Variants in PARD3B observed in about 807,000 individuals in gnomAD.
PARD3B encodes the protein partitioning defective 3 homolog B.
Under a neutral mutation model 130.2 loss-of-function variants are expected in PARD3B, and 103 were observed. The ratio of observed to expected loss-of-function variants is 0.79; its 90% CI spans 0.67 to 0.93. The LOEUF is 0.93. Among genes scored for constraint, PARD3B ranks in the 40% least tolerant of loss-of-function variants. The pLI is 0.00. For missense variants in PARD3B, 1,609 were observed against 1,499.2 expected (o/e 1.07, Z -1.21); for synonymous variants, 583 against 553.2 (o/e 1.05, Z -0.76).
At chr2:205,034,124 C>A (rs924041929) in intron 3 of PARD3B, among the ~76,000 whole-genome samples, 1 of 152,134 alleles carries the variant, frequency 6.6e-6, no homozygotes, top group East Asian at 1.9e-4. Flanking sequence ...CTTTTCATGA[C>A]CTCCAAAGTT....
At chr2:205,047,730 A>C in intron 4 of PARD3B, 40 bp downstream of exon 4, 1 of 1,415,532 alleles carries the variant, frequency 7.1e-7, no homozygotes, top group Non-Finnish European at 9.7e-7. Context: ...GAAAGATCAA[A>C]GTGCTGTACC....
intron 20 of PARD3B, among the ~76,000 whole-genome samples, chr2:205,478,481 C>T (rs1300379770): frequency 1.3e-5 from 2 of 152,138 alleles, no homozygotes; most frequent in Non-Finnish European, 2.9e-5. Context: ...TTATTCCTAA[C>T]GTCATAGTCT....
At position 205,589,848 on chromosome 2, in the gene PARD3B, C is replaced by A. The variant is rs982738512; in HGVS notation, c.3261-25608C>A. 3.3e-5 allele frequency among the ~76,000 whole-genome samples: 5 copies of A among 152,170 alleles called. No individual in the cohort carries two copies. Among genetic ancestry groups the A allele is most frequent in the Non-Finnish European group, 5.9e-5 (4 of 68,028 alleles). ...AGACACCCTCCTACACTCCATGCCTCTCCTATTTCCCTGTCCACTAACATC... is the reference window on the plus strand; with the variant it reads ...AGACACCCTCCTACACTCCATGCCTATCCTATTTCCCTGTCCACTAACATC... On this transcript the variant is annotated intron_variant, in intron 22 of 22. Transcript: ENST00000406610. The surrounding 1 kb of genome is among the most constrained non-coding windows in gnomAD (Gnocchi z 4.1).
chr2:204,947,784 C>T (rs562101168), intron 2 of PARD3B, among the ~76,000 whole-genome samples: 26 of 152,136 alleles, frequency 1.7e-4, no homozygotes, highest in African/African-American at 4.8e-4. Flanking sequence ...AGAGATCTAC[C>T]GTGAGTTCTA....
At chr2:205,356,585 G>A (rs79138490) in intron 18 of PARD3B, among the ~76,000 whole-genome samples, 4,649 of 151,992 alleles carry the variant, frequency 0.031, 226 homozygotes, top group African/African-American at 0.11. Context: ...TCTGCTGAGC[G>A]TACATATAAA....
intron 4 of PARD3B, among the ~76,000 whole-genome samples, chr2:205,075,258 A>G (rs1244541681): frequency 6.6e-6 from 1 of 152,136 alleles, no homozygotes; most frequent in Admixed American, 6.5e-5. Flanking sequence ...CGAAAGTTAG[A>G]CAATGCATTT....
chr2:204,609,257 A>G (rs2033839884), intron 1 of PARD3B, among the ~76,000 whole-genome samples: 1 of 152,198 alleles, frequency 6.6e-6, no homozygotes, highest in South Asian at 2.1e-4. Flanking sequence ...ATATTTTGCT[A>G]CATATTCTGC....
intron 2 of PARD3B, among the ~76,000 whole-genome samples, chr2:204,757,505 G>C (rs1009375616): frequency 1.3e-5 from 2 of 152,080 alleles, no homozygotes; most frequent in Non-Finnish European, 2.9e-5. Context: ...TCTCTGATTA[G>C]TGATGTTGAG....
intron 1 of PARD3B, among the ~76,000 whole-genome samples, chr2:204,568,081 A>G (rs2031782753): frequency 1.3e-5 from 2 of 152,220 alleles, no homozygotes; most frequent in Admixed American, 1.3e-4. Context: ...ACAAATCAAA[A>G]GGGCAAATAA....
intron 18 of PARD3B, among the ~76,000 whole-genome samples, chr2:205,310,883 C>T (rs2042363705): frequency 6.6e-6 from 1 of 151,738 alleles, no homozygotes; most frequent in Admixed American, 6.6e-5. Context: ...GCCACCACAC[C>T]CGGCTAATTT....
chr2:204,842,570 T>G (rs1271651930), intron 2 of PARD3B, among the ~76,000 whole-genome samples: 1 of 152,178 alleles, frequency 6.6e-6, no homozygotes, highest in East Asian at 1.9e-4. Flanking sequence ...TTCTTTTAAA[T>G]GTGCCTAAAA....
intron 2 of PARD3B, among the ~76,000 whole-genome samples, chr2:204,764,712 A>G (rs1035368570): frequency 1.0e-3 from 44 of 43,078 alleles, no homozygotes; most frequent in African/African-American, 2.4e-3. Context: ...TCTGGCATGC[A>G]TGCGTGTGTG....
In PARD3B at chr2:205,116,026, G is replaced by A. The variant is rs192688374; in HGVS notation, c.680+2449G>A. On this transcript the variant is annotated intron_variant, in intron 6 of 22. Transcript: ENST00000406610. This position sits in a 1 kb window ranked among gnomAD's most constrained non-coding sequence, Gnocchi z 4.5. ...AGATCATCCTAATAAGTAAATTATA[G>A]TGGCTGCTCTGCTAGATAAAGCCTC... 3.7e-4 allele frequency among the ~76,000 whole-genome samples: 56 copies of A among 151,820 alleles called. 1 individual carries two copies. Among genetic ancestry groups the A allele is most frequent in the Admixed American group, 2.0e-3 (31 of 15,210 alleles).
intron 19 of PARD3B, among the ~76,000 whole-genome samples, chr2:205,403,143 T>A (rs551615421): frequency 6.6e-6 from 1 of 152,324 alleles, no homozygotes; most frequent in South Asian, 2.1e-4. Flanking sequence ...CCTATTATAC[T>A]TTTCTCCTAA....
At chr2:205,492,855 ATG>A (rs1396871949) in intron 20 of PARD3B, among the ~76,000 whole-genome samples, 1 of 152,168 alleles carries the variant, frequency 6.6e-6, no homozygotes, top group Non-Finnish European at 1.5e-5. Context: ...CACTATATAA[ATG>A]TATTTTCATT....
At chr2:204,754,881 A>G (rs1382026142) in intron 2 of PARD3B, among the ~76,000 whole-genome samples, 3 of 152,248 alleles carry the variant, frequency 2.0e-5, no homozygotes, top group East Asian at 1.9e-4. Flanking sequence ...TGGCTTTATT[A>G]TTGAGGATTA....
intron 3 of PARD3B, among the ~76,000 whole-genome samples, chr2:204,979,350 G>A (rs1226932039): frequency 2.0e-5 from 3 of 152,296 alleles, no homozygotes; most frequent in East Asian, 3.9e-4. Flanking sequence ...CCTTCTGTGT[G>A]TGCTTTTAAG....
intron 2 of PARD3B, among the ~76,000 whole-genome samples, chr2:204,916,609 T>C (rs2047455473): frequency 6.6e-6 from 1 of 152,134 alleles, no homozygotes; most frequent in Non-Finnish European, 1.5e-5. Flanking sequence ...ATAAGGAAAA[T>C]AAATGAGAAA....
In PARD3B at chr2:205,286,371, C is replaced by A. The variant is rs547286119; in HGVS notation, c.2186-14159C>A. ...CTGCTATTTTTATCATCATCATTAT[C>A]ATCATCAATATGATTTTTCCATTAT... is the stretch of plus-strand genomic sequence containing the variant. On this transcript the variant is annotated intron_variant, in intron 16 of 22. Coordinates refer to ENST00000406610, the MANE Select transcript of PARD3B (RefSeq NM_001302769.2). 1.1e-4 allele frequency among the ~76,000 whole-genome samples: 17 copies of A among 152,262 alleles called. No homozygotes were observed. The East Asian group carries it at 3.1e-3, about 28-fold the overall frequency.
Sources: allele counts gnomAD v4.1 joint callset (sites outside exome capture counted in the v4.1 genomes callset), GRCh38; gene constraint gnomAD v4.1.1; non-coding constraint Gnocchi (gnomAD v3.1); transcripts MANE v1.5; gene names NCBI Gene and HGNC (gene_info 2026-07-23, HGNC 2026-07-21).